The following PEX5L variants were observed in gnomAD, a reference collection of about 807,000 sequenced individuals.
PEX5L encodes PEX5-related protein.
Under a neutral mutation model 84.0 loss-of-function variants are expected in PEX5L, and 30 were observed. The ratio of observed to expected loss-of-function variants is 0.36; its 90% confidence interval spans 0.27 to 0.48. The LOEUF (loss-of-function observed/expected upper bound fraction) is 0.48, where lower values mean the gene tolerates loss of function less well. Among genes scored for constraint, PEX5L ranks in the 20% least tolerant of loss-of-function variants. The pLI, the probability that PEX5L is intolerant of heterozygous loss-of-function variation, is 0.99. For missense variants in PEX5L, 533 were observed against 754.6 expected, an observed-to-expected ratio of 0.71 and a Z score of 3.44; for synonymous variants, 270 against 283.1, an observed-to-expected ratio of 0.95 and a Z score of 0.46.
intron 2 of PEX5L, among the ~76,000 whole-genome samples, chr3:179,950,391 A>T (rs532488422): frequency 6.6e-5 from 10 of 152,118 alleles, no homozygotes; most frequent in African/African-American, 2.4e-4. Flanking sequence ...GAGGGATAGC[A>T]TTAGGAGATA....
intron 2 of PEX5L, among the ~76,000 whole-genome samples, chr3:179,901,638 C>T (rs1403713332): frequency 2.0e-5 from 3 of 152,132 alleles, no homozygotes; most frequent in South Asian, 4.1e-4. Flanking sequence ...CTTGAAATAA[C>T]GTTGACTGGA....
At chr3:179,930,658 G>T (rs1352869355) in intron 2 of PEX5L, among the ~76,000 whole-genome samples, 1 of 152,166 alleles carries the variant, frequency 6.6e-6, no homozygotes, top group Non-Finnish European at 1.5e-5. Context: ...CCTGGTTGTT[G>T]AAATCCTATT....
chr3:180,007,765 G>C (rs1297614889), intron 1 of PEX5L, among the ~76,000 whole-genome samples: 4 of 152,238 alleles, frequency 2.6e-5, no homozygotes, highest in Non-Finnish European at 5.9e-5. Flanking sequence ...TGAAGCCACA[G>C]CCCTAGCTGT....
intron 3 of PEX5L, among the ~76,000 whole-genome samples, chr3:179,895,036 T>A (rs1489094659): frequency 6.6e-6 from 1 of 152,166 alleles, no homozygotes; most frequent in Non-Finnish European, 1.5e-5. Flanking sequence ...TTGTTTATAC[T>A]ATTACCCTTT....
intron 7 of PEX5L, among the ~76,000 whole-genome samples, chr3:179,866,687 C>T (rs1281463247): frequency 6.6e-6 from 1 of 152,014 alleles, no homozygotes; most frequent in East Asian, 1.9e-4. Context: ...CATTGAAATA[C>T]CCAGGATTTT....
At chr3:179,939,776 C>T (rs887527278) in intron 2 of PEX5L, among the ~76,000 whole-genome samples, 1 of 152,132 alleles carries the variant, frequency 6.6e-6, no homozygotes, top group African/African-American at 2.4e-5. Context: ...AGTGAGCAGA[C>T]AGGTGTGAAT....
intron 1 of PEX5L, among the ~76,000 whole-genome samples, chr3:179,981,686 T>C (rs1786344259): frequency 6.6e-6 from 1 of 151,984 alleles, no homozygotes; most frequent in African/African-American, 2.4e-5. Flanking sequence ...AAACAAATAA[T>C]GAGAGAAAGA....
chr3:180,034,601 T>C (rs550967508), intron 1 of PEX5L, among the ~76,000 whole-genome samples: 6 of 152,302 alleles, frequency 3.9e-5, no homozygotes, highest in Admixed American at 1.3e-4. Context: ...CAGATCATCA[T>C]ACTATTGAAT....
chr3:179,980,549 A>G (rs1183751419), intron 1 of PEX5L, among the ~76,000 whole-genome samples: 3 of 152,138 alleles, frequency 2.0e-5, no homozygotes, highest in Non-Finnish European at 4.4e-5. Context: ...TGGCTTATAT[A>G]TTCACTATAA....
intron 1 of PEX5L, among the ~76,000 whole-genome samples, chr3:180,004,662 T>C (rs182877492): frequency 6.6e-6 from 1 of 152,298 alleles, no homozygotes; most frequent in African/African-American, 2.4e-5. Flanking sequence ...CGGATTTATG[T>C]TAAAAAATGA....
chr3:180,018,927 G>C (rs931449522), intron 1 of PEX5L, among the ~76,000 whole-genome samples: 3 of 152,068 alleles, frequency 2.0e-5, no homozygotes, highest in Non-Finnish European at 4.4e-5. Context: ...CAAGCCTAGA[G>C]TTTTCGGGCC....
chr3:179,922,068 A>T (rs962039573), intron 2 of PEX5L, among the ~76,000 whole-genome samples: 3 of 151,772 alleles, frequency 2.0e-5, no homozygotes, highest in African/African-American at 7.3e-5. Context: ...TATATTCTGT[A>T]AAAAGTTCTC....
intron 3 of PEX5L, among the ~76,000 whole-genome samples, chr3:179,897,540 T>C (rs1350806638): frequency 1.3e-5 from 2 of 152,140 alleles, no homozygotes; most frequent in Non-Finnish European, 2.9e-5. Flanking sequence ...GTGCTTATAA[T>C]AGAGATGACA....
At chr3:179,807,061 T>C (rs1244897644) in intron 14 of PEX5L, among the ~76,000 whole-genome samples, 1 of 152,212 alleles carries the variant, frequency 6.6e-6, no homozygotes, top group Non-Finnish European at 1.5e-5. Context: ...ATAAAGGTCA[T>C]TTCTAGGCCC....
intron 2 of PEX5L, among the ~76,000 whole-genome samples, chr3:179,918,577 C>T (rs1040258966): frequency 2.0e-5 from 3 of 152,122 alleles, no homozygotes; most frequent in Non-Finnish European, 4.4e-5. Context: ...AAGTTTCAGT[C>T]CTAGTACTTC....
chr3:179,847,003 A>T (rs1359193545), intron 8 of PEX5L, among the ~76,000 whole-genome samples: 1 of 151,858 alleles, frequency 6.6e-6, no homozygotes, highest in African/African-American at 2.4e-5. Context: ...ATATATAGAG[A>T]TCTACATATG....
At chr3:179,970,690 A>G (rs1413511050) in intron 2 of PEX5L, among the ~76,000 whole-genome samples, 1 of 152,136 alleles carries the variant, frequency 6.6e-6, no homozygotes, top group African/African-American at 2.4e-5. Flanking sequence ...TATGTACAAC[A>G]GCTCCCTGAA....
intron 11 of PEX5L, among the ~76,000 whole-genome samples, chr3:179,810,402 G>A (rs891496100): frequency 6.6e-6 from 1 of 152,078 alleles, no homozygotes; most frequent in Non-Finnish European, 1.5e-5. Flanking sequence ...TTTTGCAAAG[G>A]AGAGGGAAAT....
At chr3:179,840,619 G>A (rs1379627332) in intron 8 of PEX5L, among the ~76,000 whole-genome samples, 1 of 152,178 alleles carries the variant, frequency 6.6e-6, no homozygotes, top group Non-Finnish European at 1.5e-5. Flanking sequence ...GGAGGCCATA[G>A]CAGTGGTTCA....
Sources: allele counts gnomAD v4.1 joint callset (sites outside exome capture counted in the v4.1 genomes callset), GRCh38; gene constraint gnomAD v4.1.1; transcripts MANE v1.5; gene names NCBI Gene and HGNC (gene_info 2026-07-23, HGNC 2026-07-21).